The following ADARB1 variants were observed in gnomAD, a reference collection of about 807,000 sequenced individuals.
ADARB1 encodes the protein adenosine deaminase RNA specific B1.
In ADARB1, 10 loss-of-function variants were observed where a neutral mutation model predicts 52.4. That is an observed-to-expected ratio of 0.19 (90% CI 0.12 to 0.32). The LOEUF (loss-of-function observed/expected upper bound fraction) is 0.32. Among genes scored for constraint, ADARB1 ranks in the 10% least tolerant of loss-of-function variants. ADARB1 has a pLI of 1.00. For synonymous variants in ADARB1, 349 were observed against 371.1 expected (o/e 0.94, Z 0.68); for missense variants, 643 against 922.3 (o/e 0.70, Z 3.92).
At chr21:45,156,962 A>T (rs1289644415) in intron 2 of ADARB1, among the ~76,000 whole-genome samples, 2 of 152,222 alleles carry the variant, frequency 1.3e-5, no homozygotes, top group South Asian at 4.1e-4. Context: ...GGAAGACACC[A>T]TTCTCTAGCA....
At chr21:45,192,388 C>T (rs568811762) in intron 8 of ADARB1, among the ~76,000 whole-genome samples, 1 of 152,292 alleles carries the variant, frequency 6.6e-6, no homozygotes, top group Non-Finnish European at 1.5e-5. Flanking sequence ...GTGACCTTGC[C>T]ACTGTACCAT....
At chr21:45,185,216 T>TCCTTCAAAGA in intron 8 of ADARB1, 125 bp downstream of exon 8, 1 of 1,291,682 alleles carries the variant, frequency 7.7e-7, no homozygotes, top group Non-Finnish European at 1.1e-6. Flanking sequence ...TGTTCCACAG[T>TCCTTCAAAGA]ATTCTTTGAA....
intron 1 of ADARB1, chr21:45,100,996 G>C (rs1330838001): frequency 6.5e-6 from 1 of 152,836 alleles, no homozygotes; most frequent in Non-Finnish European, 1.5e-5. Context: ...GCACCGGCAG[G>C]AGCAGGACTG....
intron 9 of ADARB1, among the ~76,000 whole-genome samples, chr21:45,211,868 C>A (rs1056671245): frequency 6.6e-6 from 1 of 152,196 alleles, no homozygotes; most frequent in African/African-American, 2.4e-5. Context: ...CCACACTGCA[C>A]TGGCCTCAGG....
At chr21:45,115,520 C>T (rs1185567929) in intron 1 of ADARB1, among the ~76,000 whole-genome samples, 1 of 152,250 alleles carries the variant, frequency 6.6e-6, no homozygotes, top group East Asian at 1.9e-4. Context: ...ATTTACATCC[C>T]AGTCAAATTA....
intron 2 of ADARB1, among the ~76,000 whole-genome samples, chr21:45,147,508 T>C (rs2090065308): frequency 6.6e-6 from 1 of 152,174 alleles, no homozygotes; most frequent in African/African-American, 2.4e-5. Flanking sequence ...GCAAGGTGAC[T>C]TGTAATATGA....
In ADARB1 at chr21:45,088,217, A is replaced by G. The variant is rs563624119; in HGVS notation, c.-220+13424A>G. Among the ~76,000 whole-genome samples, 35 of 152,308 alleles carry G rather than the reference A, an allele frequency of 2.3e-4. No homozygotes were observed. The South Asian group carries it at 6.8e-3, about 30-fold the overall frequency. ...TTGTCCGTTGGGAAGACCTAGAAGC[A>G]ATGACCTCCAGCAACAGGGAGCACA... is the stretch of plus-strand genomic sequence containing the variant. On this transcript the variant is annotated intron_variant, in intron 1 of 10. Transcript: ENST00000348831.
chr21:45,205,078 G>C (rs1484014161), intron 9 of ADARB1, among the ~76,000 whole-genome samples: 1 of 152,058 alleles, frequency 6.6e-6, no homozygotes, highest in Admixed American at 6.5e-5. Context: ...GAGAAAAATG[G>C]CAAAACCCCA....
chr21:45,169,032 G>C (rs917990311), intron 2 of ADARB1, among the ~76,000 whole-genome samples: 14 of 152,214 alleles, frequency 9.2e-5, no homozygotes, highest in African/African-American at 1.9e-4. Flanking sequence ...GTTCCCCACT[G>C]GGGCTCCCGG....
intron 8 of ADARB1, among the ~76,000 whole-genome samples, chr21:45,202,219 C>T (rs892094695): frequency 1.3e-5 from 2 of 152,058 alleles, no homozygotes; most frequent in African/African-American, 4.8e-5. Flanking sequence ...TGACCCATGG[C>T]GTAGCAGTGG....
chr21:45,195,926 A>G (rs921456767), intron 8 of ADARB1, among the ~76,000 whole-genome samples: 4 of 152,186 alleles, frequency 2.6e-5, no homozygotes, highest in Non-Finnish European at 5.9e-5. Flanking sequence ...GGAACAGTTC[A>G]TCAATATCTA....
At chr21:45,104,610 G>C (rs1267185479) in intron 1 of ADARB1, among the ~76,000 whole-genome samples, 1 of 152,202 alleles carries the variant, frequency 6.6e-6, no homozygotes, top group East Asian at 1.9e-4. Flanking sequence ...ATAACCTCTA[G>C]CAAAGTTGAG....
chr21:45,223,149 G>A lies in ADARB1; in HGVS notation c.*952G>A, dbSNP rs938810905. On this transcript the variant is annotated 3_prime_UTR_variant, in exon 11 of 11. Coordinates refer to ENST00000348831, the MANE Select transcript of ADARB1 (RefSeq NM_001112.4). The stretch of plus-strand genomic sequence containing the variant: ...CTTCCTCTGAATCGAATGGATGTGG[G>A]TGACCGCCCGAAGGCCTTCACAGGA... 4 of 985,360 alleles carry A rather than the reference G, an allele frequency of 4.1e-6. No homozygotes were observed. Among genetic ancestry groups the A allele is most frequent in the African/African-American group, 1.7e-5 (1 of 57,260 alleles). 61.0% of individuals were successfully genotyped at this position (985,360 alleles called of 1,614,324 possible).
intron 1 of ADARB1, among the ~76,000 whole-genome samples, chr21:45,089,357 G>T (rs1015860964): frequency 3.9e-5 from 6 of 152,266 alleles, no homozygotes; most frequent in Non-Finnish European, 8.8e-5. Context: ...AGAATATGAT[G>T]GGAGAATGGC....
At chr21:45,082,234 A>G (rs1033556323) in intron 1 of ADARB1, among the ~76,000 whole-genome samples, 29 of 152,202 alleles carry the variant, frequency 1.9e-4, no homozygotes, top group African/African-American at 7.0e-4. Flanking sequence ...TGACTAGCAG[A>G]ATATTTGTTT....
At chr21:45,169,393 G>T (rs1265617990) in intron 2 of ADARB1, among the ~76,000 whole-genome samples, 1 of 152,116 alleles carries the variant, frequency 6.6e-6, no homozygotes, top group East Asian at 1.9e-4. Flanking sequence ...CCTCTTTCCT[G>T]GTCCTTTGGC....
At chr21:45,084,333 C>G (rs953356842) in intron 1 of ADARB1, among the ~76,000 whole-genome samples, 2 of 152,200 alleles carry the variant, frequency 1.3e-5, no homozygotes, top group African/African-American at 2.4e-5. Context: ...GAGGCTCACG[C>G]GAGGCTGGCA....
chr21:45,158,248 G>T (rs538367660), intron 2 of ADARB1, among the ~76,000 whole-genome samples: 1 of 152,262 alleles, frequency 6.6e-6, no homozygotes, highest in South Asian at 2.1e-4. Context: ...TGGGGCGGGA[G>T]GGGGGAACTC....
chr21:45,149,830 G>A lies in ADARB1; in HGVS notation c.-48+21257G>A, dbSNP rs117600086. On this transcript the variant is annotated intron_variant, in intron 2 of 10. Coordinates refer to ENST00000348831, the MANE Select transcript of ADARB1 (RefSeq NM_001112.4). ...GCCTAATGCGGGGCTAGCGCACAGC[G>A]GCCTACATCCTGTTTTTTGTGCAGT... 2.5e-3 allele frequency among the ~76,000 whole-genome samples: 383 copies of A among 152,310 alleles called. 1 individual carries two copies. The highest frequency in any genetic ancestry group is 4.3e-3 in the Non-Finnish European group (292 of 68,032).
Sources: allele counts gnomAD v4.1 joint callset (sites outside exome capture counted in the v4.1 genomes callset), GRCh38; gene constraint gnomAD v4.1.1; transcripts MANE v1.5; gene names NCBI Gene and HGNC (gene_info 2026-07-23, HGNC 2026-07-21).